DNAH14: variants seen among roughly 807,000 people sequenced by gnomAD.
The protein encoded by DNAH14 is dynein axonemal heavy chain 14.
A neutral mutation model predicts 520.9 loss-of-function variants in DNAH14; 478 were observed. The ratio of observed to expected loss-of-function variants is 0.92; its 90% CI spans 0.85 to 0.99. The LOEUF is 0.99. Ranked by LOEUF, DNAH14 falls within the 50% of genes least tolerant of loss-of-function variation. DNAH14 has a pLI of 0.00. For missense variants in DNAH14, 4,831 were observed against 5,234.5 expected, an observed-to-expected ratio of 0.92 and a Z score of 2.38; for synonymous variants, 1,581 against 1,757.2, an observed-to-expected ratio of 0.90 and a Z score of 2.51.
At chr1:225,277,765 T>C (rs1343977550) in intron 54 of DNAH14, among the ~76,000 whole-genome samples, 1 of 152,220 alleles carries the variant, frequency 6.6e-6, no homozygotes, top group Admixed American at 6.5e-5. Context: ...ACAGTAGCTG[T>C]GCAGATGGAT....
intron 43 of DNAH14, among the ~76,000 whole-genome samples, chr1:225,245,822 C>A (rs1280845153): frequency 6.6e-6 from 1 of 152,088 alleles, no homozygotes; most frequent in Non-Finnish European, 1.5e-5. Context: ...AGATTCAATG[C>A]TATTCCCATC....
In DNAH14 at chr1:225,162,957, T is replaced by C. The variant is rs552779987; in HGVS notation, c.5445+3472T>C. Among the ~76,000 whole-genome samples the C allele has an allele frequency of 2.0e-3, 301 of 151,768 alleles. 1 individual carries two copies. Among genetic ancestry groups the C allele is most frequent in the Non-Finnish European group, 3.1e-3 (210 of 67,900 alleles). On this transcript the variant is annotated intron_variant, in intron 35 of 85. Transcript: ENST00000682510. ...TTCGAGACAAGCCTGGTCAACATGGTGAAACCTTGTCTATACTAAAAATAC... is the reference window on the plus strand; with the variant it reads ...TTCGAGACAAGCCTGGTCAACATGGCGAAACCTTGTCTATACTAAAAATAC...
rs1370403553 is a variant in DNAH14, at chr1:225,206,987, G to A, written c.6206G>A (p.Trp2069Ter). 6.6e-7 allele frequency: 1 copy of A among 1,518,658 alleles called. No individual in the cohort carries two copies. The highest frequency in any genetic ancestry group is 2.2e-5 in the Admixed American group (1 of 44,448). The allele number at this position is 1,518,658 out of a possible 1,614,324, so 94.1% of individuals were successfully genotyped here. A position where few individuals can be genotyped will look rare whatever the true frequency, so the allele number is the denominator to read the frequency against. Residue 2069 changes from tryptophan to a stop codon, truncating the protein, a stop_gained, in exon 41 of 86, where the codon TGG becomes TAG. Transcript: ENST00000682510. LOFTEE classifies it high-confidence loss of function. The part of the protein sequence containing the change: ...MVYMDPVDLG[W>*]EPYVKSWLLK... ...TATTAGGATCCTGTTGATCTGGGAT[G>A]GGAACCTTATGTTAAGTCATGGCTT...
chr1:225,278,980 T>C (rs1471563687), intron 54 of DNAH14, among the ~76,000 whole-genome samples: 1 of 152,052 alleles, frequency 6.6e-6, no homozygotes, highest in African/African-American at 2.4e-5. Flanking sequence ...TGGGGTTTTT[T>C]TGTTTGTTTG....
At chr1:225,087,036 A>ACACACACACACACACG (rs1267364820) in intron 21 of DNAH14, among the ~76,000 whole-genome samples, 1 of 140,508 alleles carries the variant, frequency 7.1e-6, no homozygotes, top group African/African-American at 2.7e-5. Context: ...ACACACACAC[A>ACACACACACACACACG]GCCTTCTACT....
intron 64 of DNAH14, among the ~76,000 whole-genome samples, chr1:225,329,939 T>G (rs2094757784): frequency 6.6e-6 from 1 of 151,976 alleles, no homozygotes; most frequent in Non-Finnish European, 1.5e-5. Context: ...TATACAGAGC[T>G]CAAACATCTC....
intron 41 of DNAH14, among the ~76,000 whole-genome samples, chr1:225,221,129 C>A: frequency 6.6e-6 from 1 of 152,126 alleles, no homozygotes; most frequent in East Asian, 1.9e-4. Flanking sequence ...TGGACCCATA[C>A]CTTACACCTT....
At chr1:225,146,868 G>T (rs1018999006) in intron 30 of DNAH14, among the ~76,000 whole-genome samples, 1 of 148,784 alleles carries the variant, frequency 6.7e-6, no homozygotes, top group Non-Finnish European at 1.5e-5. Flanking sequence ...GTCCCTGTGA[G>T]CATCAGAGTT....
chr1:224,994,872 A>G (rs181907088), intron 8 of DNAH14, among the ~76,000 whole-genome samples: 1 of 152,182 alleles, frequency 6.6e-6, no homozygotes, highest in East Asian at 1.9e-4. Context: ...CTTACATAAA[A>G]CATCTTATGC....
chr1:225,074,100 C>T lies in DNAH14; in HGVS notation c.2425-5107C>T, dbSNP rs972344510. 3.4e-5 allele frequency among the ~76,000 whole-genome samples: 5 copies of T among 148,224 alleles called. No homozygotes were observed. The East Asian group carries it at 6.1e-4, about 18-fold the overall frequency. On this transcript the variant is annotated intron_variant, in intron 17 of 85. Coordinates refer to ENST00000682510, the MANE Select transcript of DNAH14 (RefSeq NM_001367479.1). ...CTGCAAGCTCCGCCTCCCGGGTTCA[C>T]GCCATTCTCCTGCCTCAGCCTCCCA...
chr1:224,978,484 G>A (rs2062022358), intron 8 of DNAH14, among the ~76,000 whole-genome samples: 1 of 152,122 alleles, frequency 6.6e-6, no homozygotes, highest in South Asian at 2.1e-4. Context: ...GAGTAAAACT[G>A]TGGTTATTAG....
intron 76 of DNAH14, among the ~76,000 whole-genome samples, chr1:225,366,630 T>G (rs1211077470): frequency 6.6e-6 from 1 of 152,194 alleles, no homozygotes; most frequent in Non-Finnish European, 1.5e-5. Flanking sequence ...CAGACATGCC[T>G]TGGAAAATAG....
intron 6 of DNAH14, among the ~76,000 whole-genome samples, chr1:224,968,344 G>GCC (rs1219228262): frequency 2.4e-4 from 35 of 147,272 alleles, no homozygotes; most frequent in African/African-American, 9.5e-4. Flanking sequence ...AGGGCATGTA[G>GCC]TTTTTGAATG....
chr1:225,069,829 A>G (rs531637987), intron 17 of DNAH14, among the ~76,000 whole-genome samples: 2 of 152,188 alleles, frequency 1.3e-5, no homozygotes, highest in South Asian at 2.1e-4. Flanking sequence ...CTGTGAATCC[A>G]TCTGGTCCTG....
At chr1:225,281,036 G>C (rs2093617494) in intron 54 of DNAH14, among the ~76,000 whole-genome samples, 1 of 152,170 alleles carries the variant, frequency 6.6e-6, no homozygotes, top group Non-Finnish European at 1.5e-5. Context: ...GCACCAATAA[G>C]AGCAATTACA....
At chr1:225,291,000 TA>T (rs976442664) in intron 55 of DNAH14, among the ~76,000 whole-genome samples, 14 of 151,916 alleles carry the variant, frequency 9.2e-5, no homozygotes, top group Admixed American at 3.3e-4. Flanking sequence ...TTGTATCCCT[TA>T]AAAAATCCCT....
chr1:225,040,455 C>T (rs2067376552), intron 12 of DNAH14, among the ~76,000 whole-genome samples: 1 of 152,058 alleles, frequency 6.6e-6, no homozygotes, highest in African/African-American at 2.4e-5. Flanking sequence ...AAATTTTGTA[C>T]AATGCATATG....
chr1:225,074,400 G>A (rs976533822), intron 17 of DNAH14, among the ~76,000 whole-genome samples: 14 of 152,196 alleles, frequency 9.2e-5, no homozygotes, highest in South Asian at 2.1e-4. Context: ...GAACAGATAC[G>A]GGACCTACTT....
rs189797164 is a variant in DNAH14, at chr1:225,306,840, C to T, written c.9006-621C>T. On this transcript the variant is annotated intron_variant, in intron 58 of 85. Coordinates refer to ENST00000682510, the MANE Select transcript of DNAH14 (RefSeq NM_001367479.1). ...CTGCTTATATCCAGCAAGCATATCT[C>T]GGTGGCAAAAGACAGGTTACAGTCC... Among the ~76,000 whole-genome samples the T allele has an allele frequency of 1.4e-3, 206 of 152,144 alleles. 1 individual carries two copies. Among genetic ancestry groups the T allele is most frequent in the African/African-American group, 2.2e-3 (90 of 41,504 alleles).
Sources: allele counts gnomAD v4.1 joint callset (sites outside exome capture counted in the v4.1 genomes callset), GRCh38; gene constraint gnomAD v4.1.1; transcripts MANE v1.5; gene names NCBI Gene and HGNC (gene_info 2026-07-23, HGNC 2026-07-21).